Variants in LIMCH1 observed in about 807,000 individuals in gnomAD.
LIMCH1 encodes LIM and calponin homology domains 1.
LIMCH1 carries 113 observed loss-of-function variants against 176.5 expected under a neutral mutation model. The observed-to-expected ratio is 0.64, with a 90% CI of 0.55 to 0.75. LIMCH1 has a LOEUF of 0.75. Ranked by LOEUF, LIMCH1 falls within the 30% of genes least tolerant of loss-of-function variation. The pLI is 0.00. For synonymous variants in LIMCH1, 619 were observed against 645.9 expected, an observed-to-expected ratio of 0.96 and a Z score of 0.63; for missense variants, 1,674 against 1,814.9, an observed-to-expected ratio of 0.92 and a Z score of 1.41.
At chr4:41,546,966 A>G (rs972821134) in intron 1 of LIMCH1, among the ~76,000 whole-genome samples, 2 of 152,010 alleles carry the variant, frequency 1.3e-5, no homozygotes, top group African/African-American at 4.8e-5. Context: ...GCAAATGGAG[A>G]TTTTTCTTTG....
intron 7 of LIMCH1, among the ~76,000 whole-genome samples, chr4:41,623,329 C>T (rs1251229174): frequency 1.3e-5 from 2 of 152,144 alleles, no homozygotes; most frequent in South Asian, 2.1e-4. Flanking sequence ...TGTTGTGGCC[C>T]ATTTCTCAGC....
At chr4:41,452,398 C>A (rs971312053) in intron 1 of LIMCH1, among the ~76,000 whole-genome samples, 2 of 152,160 alleles carry the variant, frequency 1.3e-5, no homozygotes, top group Non-Finnish European at 2.9e-5. Context: ...ACTTCATTGT[C>A]TCTGGATGTA....
chr4:41,629,159 T>C (rs2093165038), intron 8 of LIMCH1, among the ~76,000 whole-genome samples: 1 of 152,194 alleles, frequency 6.6e-6, no homozygotes, highest in Non-Finnish European at 1.5e-5. Context: ...GTAACTTGAA[T>C]AGTGTGGGAA....
intron 1 of LIMCH1, among the ~76,000 whole-genome samples, chr4:41,587,332 C>G (rs1002789812): frequency 6.6e-6 from 1 of 152,114 alleles, no homozygotes; most frequent in African/African-American, 2.4e-5. Context: ...GTCTTTCTAT[C>G]CTCTTTCATT....
chr4:41,470,952 A>G (rs1173829195), intron 1 of LIMCH1, among the ~76,000 whole-genome samples: 4 of 151,884 alleles, frequency 2.6e-5, no homozygotes, highest in Non-Finnish European at 1.5e-5. Flanking sequence ...AGGTTAGGGA[A>G]GTTACTGGTA....
chr4:41,396,262 T>C (rs747857799), intron 1 of LIMCH1, among the ~76,000 whole-genome samples: 12 of 152,226 alleles, frequency 7.9e-5, no homozygotes, highest in Non-Finnish European at 1.5e-4. Context: ...TGTTTCAACA[T>C]GTAAACTTTG....
At chr4:41,581,828 A>AAAAAAAAAAAAAAAAAAAAAAC (rs2085527320) in intron 1 of LIMCH1, among the ~76,000 whole-genome samples, 1 of 150,470 alleles carries the variant, frequency 6.6e-6, no homozygotes, top group Non-Finnish European at 1.5e-5. Context: ...AAAAAAAAAA[A>AAAAAAAAAAAAAAAAAAAAAAC]AACAACAGCA....
At chr4:41,387,677 A>C (rs896399524) in intron 1 of LIMCH1, among the ~76,000 whole-genome samples, 1 of 152,258 alleles carries the variant, frequency 6.6e-6, no homozygotes, top group African/African-American at 2.4e-5. Context: ...TTTGATGACA[A>C]ATCCACACCA....
intron 1 of LIMCH1, among the ~76,000 whole-genome samples, chr4:41,379,156 G>A (rs922364889): frequency 4.6e-5 from 7 of 152,134 alleles, no homozygotes; most frequent in African/African-American, 1.4e-4. Context: ...GTTCTGGCTC[G>A]GGTTTTTCTT....
chr4:41,521,771 T>G (rs1290273122), intron 2 of LIMCH1, among the ~76,000 whole-genome samples: 1 of 152,114 alleles, frequency 6.6e-6, no homozygotes, highest in Non-Finnish European at 1.5e-5. Flanking sequence ...GTGAGAGAAA[T>G]CATAGTTTCT....
At chr4:41,562,282 G>A (rs562379898) in intron 1 of LIMCH1, among the ~76,000 whole-genome samples, 2 of 152,216 alleles carry the variant, frequency 1.3e-5, no homozygotes, top group South Asian at 4.1e-4. Context: ...GAGTGATTGG[G>A]GTGTACGAGT....
chr4:41,649,197 C>G (rs909979641), intron 17 of LIMCH1, among the ~76,000 whole-genome samples: 66 of 152,192 alleles, frequency 4.3e-4, no homozygotes, highest in Middle Eastern at 3.4e-3. Context: ...ACCAGGAGTT[C>G]GAGACCAGTC....
intron 2 of LIMCH1, among the ~76,000 whole-genome samples, chr4:41,520,341 C>T (rs140236344): frequency 7.9e-5 from 12 of 152,156 alleles, no homozygotes; most frequent in African/African-American, 1.4e-4. Context: ...GTTCAATCTG[C>T]CTGGAACGCT....
intron 1 of LIMCH1, among the ~76,000 whole-genome samples, chr4:41,367,947 T>TA (rs1305056328): frequency 2.6e-5 from 4 of 151,608 alleles, no homozygotes; most frequent in Admixed American, 6.6e-5. Context: ...TGAAAACTGT[T>TA]AAAAAAAATT....
chr4:41,421,808 C>G (rs534876978), intron 1 of LIMCH1, among the ~76,000 whole-genome samples: 35 of 152,266 alleles, frequency 2.3e-4, no homozygotes, highest in African/African-American at 7.5e-4. Context: ...AGAGGCCAGG[C>G]ATGATAGCTC....
chr4:41,623,983 A>G (rs2092768483), intron 7 of LIMCH1, among the ~76,000 whole-genome samples: 1 of 152,152 alleles, frequency 6.6e-6, no homozygotes, highest in African/African-American at 2.4e-5. Flanking sequence ...CTTCTATTTT[A>G]TTTTATGGTT....
At chr4:41,686,881 A>G (rs567394972) in intron 28 of LIMCH1, among the ~76,000 whole-genome samples, 1 of 152,306 alleles carries the variant, frequency 6.6e-6, no homozygotes, top group South Asian at 2.1e-4. Context: ...TCTGTATGAC[A>G]CTCAGAATCA....
chr4:41,644,434 C>T, intron 14 of LIMCH1, 66 bp from the exon 15 acceptor site: 1 of 1,416,754 alleles, frequency 7.1e-7, no homozygotes, highest in South Asian at 1.5e-5. Context: ...GCAGGACGCC[C>T]AGGCGCGCGG....
chr4:41,692,547 G>C (rs931101565), intron 31 of LIMCH1, 163 bp downstream of exon 31: 29 of 557,886 alleles, frequency 5.2e-5, no homozygotes, highest in Non-Finnish European at 9.0e-5. Context: ...TTTACCACTC[G>C]TTTCTTCCTG....
Sources: gnomAD v4.1 joint callset for allele counts (sites outside exome capture counted in the v4.1 genomes callset) on GRCh38, gnomAD v4.1.1 for gene constraint, MANE v1.5 for transcripts, NCBI Gene and HGNC (gene_info 2026-07-23, HGNC 2026-07-21) for gene names.